Variants in TENM1 observed in about 807,000 individuals in gnomAD.
TENM1 encodes teneurin-1.
Under a neutral mutation model 174.8 loss-of-function variants are expected in TENM1, and 35 were observed. That is an observed-to-expected ratio of 0.20 (90% CI 0.15 to 0.27). The LOEUF (loss-of-function observed/expected upper bound fraction) is 0.27, where lower values mean the gene tolerates loss of function less well. Among genes scored for constraint, TENM1 ranks in the 10% least tolerant of loss-of-function variants. The probability of loss-of-function intolerance (pLI) is 1.00; values close to 1 mark genes in which losing one functional copy is unlikely to be tolerated. For synonymous variants in TENM1, 781 were observed against 798.7 expected (o/e 0.98, Z 0.37); for missense variants, 1,633 against 2,130.1 (o/e 0.77, Z 4.59).
chrX:124,950,231 ATTCT>A (rs1364348553), intron 1 of TENM1, among the ~76,000 whole-genome samples: 1 of 112,233 alleles, frequency 8.9e-6, no homozygotes, highest in African/African-American at 3.2e-5. Context: ...TTAGTTCAGT[ATTCT>A]TTCTATTATA....
At chrX:124,493,413 AT>A (rs1226404158) in intron 20 of TENM1, among the ~76,000 whole-genome samples, 27 of 111,190 alleles carry the variant, frequency 2.4e-4, no homozygotes, top group African/African-American at 7.8e-4. Context: ...TATTAATATA[AT>A]TTTTTGTTTT....
At chrX:124,780,271 G>A (rs2147171097) in intron 3 of TENM1, among the ~76,000 whole-genome samples, 1 of 112,288 alleles carries the variant, frequency 8.9e-6, no homozygotes, top group Non-Finnish European at 1.9e-5. Flanking sequence ...ACCAAAGCGT[G>A]CTTATACACT....
chrX:124,870,077 C>T (rs556572335), intron 3 of TENM1, among the ~76,000 whole-genome samples: 1 of 111,591 alleles, frequency 9.0e-6, no homozygotes, highest in East Asian at 2.8e-4. Context: ...ATCAAAAAAT[C>T]TCATGTACCC....
At chrX:124,876,227 A>G (rs977915102) in intron 3 of TENM1, among the ~76,000 whole-genome samples, 3 of 111,852 alleles carry the variant, frequency 2.7e-5, no homozygotes, top group African/African-American at 9.7e-5. Context: ...TTTGGCACAG[A>G]ATAAACACAT....
Position 124,957,959 on chromosome X carries a change from C to A in TENM1, c.217+5578G>T, listed in dbSNP as rs188703596. On this transcript the variant is annotated intron_variant, in intron 1 of 31. Coordinates refer to ENST00000422452, the Ensembl canonical transcript of TENM1. The stretch of plus-strand genomic sequence containing the variant: ...AAATTATTACCCTTGGTATATATAT[C>A]TCCATGCATTTATATTTTCATTTTT... Among the ~76,000 whole-genome samples, 85 of 111,615 alleles carry A rather than the reference C, an allele frequency of 7.6e-4. 1 individual carries two copies. Among genetic ancestry groups the A allele is most frequent in the Non-Finnish European group, 1.4e-3 (74 of 53,152 alleles).
the TENM1 span, among the ~76,000 whole-genome samples, chrX:124,982,931 C>T: frequency 4.5e-5 from 5 of 112,025 alleles, no homozygotes; most frequent in Non-Finnish European, 9.4e-5. Context: ...CCAGAGTGAG[C>T]TCGGTTCTAC....
intron 3 of TENM1, among the ~76,000 whole-genome samples, chrX:124,768,544 C>G (rs1196486784): frequency 3.6e-5 from 4 of 111,888 alleles, no homozygotes; most frequent in African/African-American, 1.3e-4. Flanking sequence ...TCAACATTTT[C>G]CCTAGGAGCC....
chrX:124,887,563 T>G (rs748627186), intron 3 of TENM1, among the ~76,000 whole-genome samples: 34 of 111,794 alleles, frequency 3.0e-4, no homozygotes, highest in African/African-American at 1.0e-3. Flanking sequence ...GTAGCTAAAA[T>G]TACCTACTGA....
chrX:124,469,789 T>C (rs983062909), intron 22 of TENM1, among the ~76,000 whole-genome samples: 2 of 111,880 alleles, frequency 1.8e-5, no homozygotes, highest in Non-Finnish European at 3.8e-5. Context: ...GGGATGTTTT[T>C]CTTAATTTCC....
chrX:124,381,886 C>A (rs2060161139), intron 31 of TENM1, among the ~76,000 whole-genome samples: 1 of 111,495 alleles, frequency 9.0e-6, no homozygotes, highest in Non-Finnish European at 1.9e-5. Context: ...CAATTTTCAA[C>A]ATTTTGCTAA....
At chrX:124,784,995 T>C (rs2055002197) in intron 3 of TENM1, among the ~76,000 whole-genome samples, 1 of 111,841 alleles carries the variant, frequency 8.9e-6, no homozygotes, top group Non-Finnish European at 1.9e-5. Context: ...CTCAATTACA[T>C]GGCAATGTAT....
the TENM1 span, among the ~76,000 whole-genome samples, chrX:125,008,485 A>C: frequency 1.8e-5 from 2 of 111,992 alleles, no homozygotes; most frequent in East Asian, 5.6e-4. Flanking sequence ...AAGACAGAAA[A>C]TTAACAAGGA....
intron 22 of TENM1, among the ~76,000 whole-genome samples, chrX:124,478,331 A>C (rs369641569): frequency 1.4e-3 from 158 of 112,614 alleles, no homozygotes; most frequent in African/African-American, 4.9e-3. Context: ...TATTTACCAA[A>C]ACTTGCTGCC....
chrX:125,124,368 T>A, the TENM1 span, among the ~76,000 whole-genome samples: 1 of 112,168 alleles, frequency 8.9e-6, no homozygotes, highest in Non-Finnish European at 1.9e-5. Context: ...GTCAGGATTT[T>A]CTTTTAAAAA....
At chrX:125,068,748 G>C in the TENM1 span, among the ~76,000 whole-genome samples, 19 of 111,719 alleles carry the variant, frequency 1.7e-4, no homozygotes, top group African/African-American at 5.9e-4. Flanking sequence ...GAACAGATTT[G>C]ATCTGGGCTT....
chrX:124,668,520 T>C (rs1215077488), intron 6 of TENM1, among the ~76,000 whole-genome samples: 2 of 111,682 alleles, frequency 1.8e-5, no homozygotes, highest in South Asian at 3.8e-4. Flanking sequence ...TATGCAGCCA[T>C]AAAAAAGGAT....
the TENM1 span, among the ~76,000 whole-genome samples, chrX:125,099,563 C>A: frequency 8.9e-6 from 1 of 111,877 alleles, no homozygotes; most frequent in Non-Finnish European, 1.9e-5. Context: ...TACAGCACAT[C>A]CAGCACTACA....
intron 11 of TENM1, among the ~76,000 whole-genome samples, chrX:124,596,716 G>A (rs780971186): frequency 9.0e-6 from 1 of 111,631 alleles, no homozygotes; most frequent in South Asian, 3.7e-4. Context: ...AGATGGGGCT[G>A]GACAAGCAGA....
At chrX:124,750,912 T>A (rs549258049) in intron 3 of TENM1, among the ~76,000 whole-genome samples, 2 of 112,655 alleles carry the variant, frequency 1.8e-5, no homozygotes, top group Non-Finnish European at 3.7e-5. Context: ...TAATGAAATC[T>A]ATGTAGTGGG....
Sources: gnomAD v4.1 joint callset for allele counts (sites outside exome capture counted in the v4.1 genomes callset) on GRCh38, gnomAD v4.1.1 for gene constraint, MANE v1.5 for transcripts, NCBI Gene and HGNC (gene_info 2026-07-23, HGNC 2026-07-21) for gene names.